HOMER2: variants seen among roughly 807,000 people sequenced by gnomAD.
HOMER2 encodes homer scaffold protein 2, also known as homer protein homolog 2.
A neutral mutation model predicts 47.0 loss-of-function variants in HOMER2; 27 were observed. The ratio of observed to expected loss-of-function variants is 0.57; its 90% CI spans 0.42 to 0.79. The LOEUF is 0.79. HOMER2 is among the 30% of genes least tolerant of loss of function. The pLI, the probability that HOMER2 is intolerant of heterozygous loss-of-function variation, is 0.00. For synonymous variants in HOMER2, 161 were observed against 163.8 expected (o/e 0.98, Z 0.13); for missense variants, 443 against 435.0 (o/e 1.02, Z -0.16).
intron 8 of HOMER2, among the ~76,000 whole-genome samples, chr15:82,850,853 G>GCC (rs750909573): frequency 6.6e-6 from 1 of 152,028 alleles, no homozygotes; most frequent in Non-Finnish European, 1.5e-5. Context: ...CTCTCAGGCC[G>GCC]CCCCCCCGCT....
chr15:82,882,642 T>C (rs1268052573), intron 2 of HOMER2, among the ~76,000 whole-genome samples: 2 of 152,206 alleles, frequency 1.3e-5, no homozygotes, highest in Non-Finnish European at 2.9e-5. Flanking sequence ...TAGCACCAAC[T>C]GCTTCCAGAA....
intron 1 of HOMER2, among the ~76,000 whole-genome samples, chr15:82,975,279 A>C (rs2030163723): frequency 6.6e-6 from 1 of 152,216 alleles, no homozygotes; most frequent in African/African-American, 2.4e-5. Flanking sequence ...AAATTAGTAC[A>C]ACCACTATAG....
intron 1 of HOMER2, among the ~76,000 whole-genome samples, chr15:82,946,094 C>T (rs2054373946): frequency 1.3e-5 from 2 of 152,102 alleles, no homozygotes; most frequent in Non-Finnish European, 2.9e-5. Flanking sequence ...AGGGTCACCA[C>T]ACATTTAACT....
intron 1 of HOMER2, among the ~76,000 whole-genome samples, chr15:82,982,181 T>C (rs947528792): frequency 2.6e-5 from 4 of 152,202 alleles, no homozygotes; most frequent in African/African-American, 9.6e-5. Context: ...CAGGGACTTT[T>C]AGTTGCCAGC....
intron 1 of HOMER2, chr15:82,951,998 CTGAAGCCTCACCTAGG>C (rs2054517019): frequency 1.0e-6 from 1 of 968,976 alleles, no homozygotes; most frequent in Admixed American, 6.2e-5. Context: ...GTTTCAAAGA[CTGAAGCCTCACCTAGG>C]TTCCTTATAG....
chr15:82,920,528 G>T (rs1430639782), intron 1 of HOMER2, among the ~76,000 whole-genome samples: 1 of 152,180 alleles, frequency 6.6e-6, no homozygotes, highest in Non-Finnish European at 1.5e-5. Context: ...CCAGCTTCTA[G>T]AGCTGCGTTC....
In HOMER2 at chr15:82,888,665, C is replaced by T. The variant is rs1192969102; in HGVS notation, c.162+4020G>A. Among the ~76,000 whole-genome samples the T allele has an allele frequency of 4.1e-5, 3 of 73,960 alleles. 1 individual carries two copies. The highest frequency in any genetic ancestry group is 1.5e-4 in the African/African-American group (2 of 13,408). 48.5% of individuals were successfully genotyped at this position (73,960 alleles called of 152,430 possible). The stretch of plus-strand genomic sequence containing the variant: ...TGGGAGTGATCCGATTTTCCAGGTG[C>T]GTCCGTCACCCCTTTCTTTGACTCG... On this transcript the variant is annotated intron_variant, in intron 2 of 8. Transcript: ENST00000450735.
At chr15:82,948,948 G>A (rs1159792202) in intron 1 of HOMER2, among the ~76,000 whole-genome samples, 1 of 152,236 alleles carries the variant, frequency 6.6e-6, no homozygotes, top group Non-Finnish European at 1.5e-5. Context: ...GGCCTGTTAG[G>A]AAAGAGGTGA....
intron 1 of HOMER2, among the ~76,000 whole-genome samples, chr15:82,933,237 C>G (rs1480624972): frequency 6.6e-6 from 1 of 152,044 alleles, no homozygotes; most frequent in African/African-American, 2.4e-5. Flanking sequence ...CATTAAGAAC[C>G]CTTCCTTGAG....
intron 1 of HOMER2, among the ~76,000 whole-genome samples, chr15:82,985,338 A>G (rs2030554681): frequency 6.6e-6 from 1 of 152,210 alleles, no homozygotes; most frequent in South Asian, 2.1e-4. Context: ...TATAGCAGGT[A>G]TATGTAAGAT....
chr15:82,843,311 AC>A (rs1161669509), exon 2 of HOMER2: 1 of 151,646 alleles, frequency 6.6e-6, no homozygotes, highest in Non-Finnish European at 1.5e-5. Flanking sequence ...GTGGTGGCAT[AC>A]ACTTGTAGTC....
intron 6 of HOMER2, among the ~76,000 whole-genome samples, chr15:82,854,339 G>T (rs950635166): frequency 6.6e-6 from 1 of 152,156 alleles, no homozygotes; most frequent in Admixed American, 6.5e-5. Flanking sequence ...TGGGAGACAG[G>T]AGGCTGCAGT....
At chr15:82,960,018 G>A (rs141086899) in intron 1 of HOMER2, among the ~76,000 whole-genome samples, 39 of 152,328 alleles carry the variant, frequency 2.6e-4, no homozygotes, top group African/African-American at 9.1e-4. Flanking sequence ...GCAGCACAAC[G>A]AGAAGGTGCC....
rs527921194 is a variant in HOMER2 at position 82,876,352 on chromosome 15, C to T, written c.163-948G>A. On this transcript the variant is annotated intron_variant, in intron 2 of 8. Transcript: ENST00000450735. The stretch of plus-strand genomic sequence containing the variant: ...TTTATTCATTCAAACATTTATTGAA[C>T]ATTTACTATACACCAGACATTCTGC... Among the ~76,000 whole-genome samples, 13 of 152,318 alleles carry T rather than the reference C, an allele frequency of 8.5e-5. No homozygotes were observed. The East Asian group carries it at 2.5e-3, about 29-fold the overall frequency.
intron 5 of HOMER2, 81 bp from the exon 6 acceptor site, chr15:82,854,881 C>T: frequency 6.6e-7 from 1 of 1,512,852 alleles, no homozygotes; most frequent in South Asian, 1.2e-5. Context: ...GGGACTCCGC[C>T]ATCCCTCAGC....
intron 1 of HOMER2, among the ~76,000 whole-genome samples, chr15:82,932,482 C>T (rs1460463754): frequency 1.4e-5 from 2 of 147,030 alleles, no homozygotes; most frequent in African/African-American, 5.1e-5. Flanking sequence ...GCCTGGGCAA[C>T]ACAGCAAGAC....
At chr15:82,931,529 C>T (rs541285041) in intron 1 of HOMER2, among the ~76,000 whole-genome samples, 24 of 148,384 alleles carry the variant, frequency 1.6e-4, no homozygotes, top group Middle Eastern at 3.4e-3. Context: ...GTGAAGCATG[C>T]CTGCTTTAAA....
chr15:82,861,563 T>G (rs973142957), intron 4 of HOMER2, among the ~76,000 whole-genome samples: 1 of 152,210 alleles, frequency 6.6e-6, no homozygotes, highest in South Asian at 2.1e-4. Flanking sequence ...AATAAACATG[T>G]ATTGCATTTA....
intron 1 of HOMER2, among the ~76,000 whole-genome samples, chr15:82,975,461 G>A (rs1465950933): frequency 6.6e-6 from 1 of 152,222 alleles, no homozygotes; most frequent in African/African-American, 2.4e-5. Flanking sequence ...AGCAATCTAA[G>A]TGTCTATCAA....
Sources: gnomAD v4.1 joint callset for allele counts (sites outside exome capture counted in the v4.1 genomes callset) on GRCh38, gnomAD v4.1.1 for gene constraint, MANE v1.5 for transcripts, NCBI Gene and HGNC (gene_info 2026-07-23, HGNC 2026-07-21) for gene names.